FNDC1: variants seen among roughly 807,000 people sequenced by gnomAD.
The protein encoded by FNDC1 is fibronectin type III domain-containing protein 1.
A neutral mutation model predicts 168.0 loss-of-function variants in FNDC1; 96 were observed. The observed-to-expected ratio is 0.57, with a 90% CI of 0.48 to 0.68. FNDC1 has a LOEUF of 0.68. FNDC1 is among the 30% of genes least tolerant of loss of function. The pLI, the probability that FNDC1 is intolerant of heterozygous loss-of-function variation, is 0.00. For synonymous variants in FNDC1, 1,099 were observed against 1,025.9 expected (o/e 1.07, Z -1.36); for missense variants, 2,587 against 2,482.1 (o/e 1.04, Z -0.90).
At position 159,197,499 on chromosome 6, in the gene FNDC1, G is replaced by A. The variant is rs375554497; in HGVS notation, c.178G>A (p.Asp60Asn). The A allele has an allele frequency of 4.7e-5, 76 of 1,613,816 alleles. No homozygotes were observed. Among genetic ancestry groups the A allele is most frequent in the Non-Finnish European group, 6.4e-5 (76 of 1,179,868 alleles). Residue 60 changes from aspartate to asparagine, a missense_variant, in exon 2 of 23, where the codon GAC becomes AAC. Coordinates refer to ENST00000297267, the MANE Select transcript of FNDC1 (RefSeq NM_032532.3). ...STKMGLKVTWDPPKDATSRPV... is the reference protein window; with the variant it reads ...STKMGLKVTWNPPKDATSRPV... Reference sequence around the variant, plus strand: ...TAAAATGGGCCTGAAAGTCACGTGGGACCCACCCAAAGATGCTACCAGTAG... The same window carrying A: ...TAAAATGGGCCTGAAAGTCACGTGGAACCCACCCAAAGATGCTACCAGTAG...
chr6:159,256,554 C>G lies in FNDC1; in HGVS notation c.5097C>G (p.Asp1699Glu). ...TGGTTTACAGTGCATCCTATGAAGA[C>G]TTCATCAGGAACAAGTGGTCCACTC... is the stretch of plus-strand genomic sequence containing the variant. The part of the protein sequence containing the change: ...GYLVYSASYE[D>E]FIRNKWSTQA... Residue 1699 changes from aspartate to glutamate, a missense_variant, in exon 18 of 23, where the codon GAC (aspartate) becomes GAG (glutamate). Physicochemically the swap from Asp to Glu is conservative, Grantham distance 45. Transcript: ENST00000297267. 6.2e-7 allele frequency: 1 copy of G among 1,613,906 alleles called. No individual in the cohort carries two copies. Among genetic ancestry groups the G allele is most frequent in the Non-Finnish European group, 8.5e-7 (1 of 1,179,830 alleles).
chr6:159,269,117 T>C (rs561385741), intron 22 of FNDC1, among the ~76,000 whole-genome samples: 5 of 151,798 alleles, frequency 3.3e-5, no homozygotes, highest in Non-Finnish European at 7.4e-5. Context: ...TTTATCTAGG[T>C]ATCCATCCAT....
chr6:159,178,792 A>G (rs150464681), intron 1 of FNDC1, among the ~76,000 whole-genome samples: 26 of 149,628 alleles, frequency 1.7e-4, no homozygotes, highest in Non-Finnish European at 3.3e-4. Context: ...GCAATTTGGC[A>G]TCTCAGGGAA....
At chr6:159,195,088 T>G (rs1337476065) in intron 1 of FNDC1, among the ~76,000 whole-genome samples, 2 of 152,060 alleles carry the variant, frequency 1.3e-5, no homozygotes, top group Non-Finnish European at 2.9e-5. Context: ...TTTGAGAACC[T>G]TAAATTCAGA....
intron 11 of FNDC1, among the ~76,000 whole-genome samples, chr6:159,234,910 G>A (rs1488342402): frequency 2.0e-5 from 3 of 152,200 alleles, no homozygotes; most frequent in African/African-American, 4.8e-5. Context: ...TTCAAGTGCC[G>A]CCATGTGTTT....
Position 159,233,531 on chromosome 6 carries a change from C to T in FNDC1, c.3019C>T (p.Pro1007Ser). 2 of 1,597,834 alleles carry T rather than the reference C, an allele frequency of 1.3e-6. No individual in the cohort carries two copies. The highest frequency in any genetic ancestry group is 1.7e-6 in the Non-Finnish European group (2 of 1,175,620). The change falls in exon 11 of 23, where the codon CCT becomes TCT. Residue 1007 changes from proline (P) to serine (S), a missense_variant. Transcript: ENST00000297267. This position sits in a 1 kb window ranked among gnomAD's most constrained non-coding sequence, Gnocchi z 4.6. Reference sequence around the variant, plus strand: ...CGGCCGGGCCCCACAACAGCAGCCCCCTCCTCCCGTCGCCACGTCCCAGCA... The same window carrying T: ...CGGCCGGGCCCCACAACAGCAGCCCTCTCCTCCCGTCGCCACGTCCCAGCA... ...TPGRAPQQQP[P>S]PPVATSQHHP... is the part of the protein sequence containing the mutation.
intron 14 of FNDC1, among the ~76,000 whole-genome samples, chr6:159,246,353 G>C (rs938541705): frequency 6.6e-6 from 1 of 152,234 alleles, no homozygotes; most frequent in African/African-American, 2.4e-5. Flanking sequence ...GGATGTAGAA[G>C]AGGTAGGAAA....
At chr6:159,234,556 TATTGC>T in intron 11 of FNDC1, 77 bp downstream of exon 11, 1 of 1,389,520 alleles carries the variant, frequency 7.2e-7, no homozygotes, top group Non-Finnish European at 1.0e-6. Context: ...GTTTTTATTC[TATTGC>T]ATTTAGCACC....
At chr6:159,177,727 C>T (rs1049375273) in intron 1 of FNDC1, among the ~76,000 whole-genome samples, 3 of 152,086 alleles carry the variant, frequency 2.0e-5, no homozygotes, top group African/African-American at 4.8e-5. Flanking sequence ...GATGTGTGCT[C>T]GTGATGACGC....
At chr6:159,201,747 A>AAC (rs1417536108) in intron 4 of FNDC1, among the ~76,000 whole-genome samples, 1 of 152,214 alleles carries the variant, frequency 6.6e-6, no homozygotes, top group Non-Finnish European at 1.5e-5. Flanking sequence ...TTTACCTCTG[A>AAC]ACACACACAT....
At position 159,233,100 on chromosome 6, in the gene FNDC1, C is replaced by T. The variant is rs774578158; in HGVS notation, c.2588C>T (p.Ser863Phe). 2.5e-6 allele frequency: 4 copies of T among 1,603,242 alleles called. No homozygotes were observed. The highest frequency in any genetic ancestry group is 2.3e-5 in the East Asian group (1 of 44,380). ...VPSRAHPRVP[S>F]HSDSHPKLSS... ...TCCCGAGCCCACCCCAGGGTTCCCT[C>T]TCACTCTGATTCCCACCCTAAGCTT... The change falls in exon 11 of 23, where the codon TCT (serine) becomes TTT (phenylalanine). Residue 863 changes from serine to phenylalanine, a missense_variant. Transcript: ENST00000297267. The surrounding 1 kb of genome is among the most constrained non-coding windows in gnomAD (Gnocchi z 4.6).
In FNDC1 at chr6:159,233,224, G is replaced by C. The variant is rs1201985299; in HGVS notation, c.2712G>C (p.Arg904=). The part of the protein sequence containing the change: ...VPSSSRQPIS[R]GWEDLRRSPQ... ...CCTCCTCCAGGCAGCCCATCTCCCGGGGCTGGGAGGACTTAAGGAGAAGCC... is the reference window on the plus strand; with the variant it reads ...CCTCCTCCAGGCAGCCCATCTCCCGCGGCTGGGAGGACTTAAGGAGAAGCC... The change falls in exon 11 of 23, where the codon CGG becomes CGC. Residue 904 remains arginine (R), a synonymous_variant. Transcript: ENST00000297267. The surrounding 1 kb of genome is among the most constrained non-coding windows in gnomAD (Gnocchi z 4.6). 6.2e-7 allele frequency: 1 copy of C among 1,613,708 alleles called. No individual in the cohort carries two copies. The highest frequency in any genetic ancestry group is 8.5e-7 in the Non-Finnish European group (1 of 1,179,802).
intron 22 of FNDC1, 71 bp downstream of exon 22, chr6:159,267,997 C>A: frequency 1.3e-6 from 2 of 1,502,744 alleles, no homozygotes; most frequent in Non-Finnish European, 1.8e-6. Flanking sequence ...GGGGAAAATC[C>A]ACAGTAGGTC....
Position 159,233,332 on chromosome 6 carries a change from C to T in FNDC1, c.2820C>T (p.Gly940=), listed in dbSNP as rs1783148202. Reference sequence around the variant, plus strand: ...CAGGGGCAGATACACATCCTCAGGGCAAGTACTCCTCCCTGGCCTCCAAGG... The same window carrying T: ...CAGGGGCAGATACACATCCTCAGGGTAAGTACTCCTCCCTGGCCTCCAAGG... The part of the protein sequence containing the change: ...KSTGADTHPQ[G]KYSSLASKAQ... Residue 940 remains glycine, a synonymous_variant, in exon 11 of 23, where the codon GGC becomes GGT. Coordinates refer to ENST00000297267, the MANE Select transcript of FNDC1 (RefSeq NM_032532.3). The surrounding 1 kb of genome is among the most constrained non-coding windows in gnomAD (Gnocchi z 4.6). 6.2e-7 allele frequency: 1 copy of T among 1,613,906 alleles called. No homozygotes were observed. Among genetic ancestry groups the T allele is most frequent in the African/African-American group, 1.3e-5 (1 of 75,038 alleles).
chr6:159,197,628 A>G lies in FNDC1; in HGVS notation c.304+3A>G, dbSNP rs1301644922. The G allele has an allele frequency of 5.0e-6, 8 of 1,608,090 alleles. No individual in the cohort carries two copies. Among genetic ancestry groups the G allele is most frequent in the Middle Eastern group, 1.7e-4 (1 of 5,940 alleles). ...CTCCTTCCTTATTGAGGATGTGGGT[A>G]AGTGACACTCTGATCTTGTTCCCAG... On this transcript the variant is annotated splice_donor_region_variant and intron_variant, in intron 2 of 22. Coordinates refer to ENST00000297267, the MANE Select transcript of FNDC1 (RefSeq NM_032532.3).
intron 4 of FNDC1, among the ~76,000 whole-genome samples, chr6:159,204,824 T>C (rs1344088627): frequency 6.6e-6 from 1 of 152,144 alleles, no homozygotes; most frequent in African/African-American, 2.4e-5. Flanking sequence ...CCTCACACAG[T>C]TTCCTTTCTT....
rs1029537805 is a variant in FNDC1 at position 159,249,570 on chromosome 6, C to A, written c.4834+388C>A. 5.3e-4 allele frequency among the ~76,000 whole-genome samples: 81 copies of A among 152,214 alleles called. 1 individual carries two copies. Among genetic ancestry groups the A allele is most frequent in the Admixed American group, 5.3e-3 (81 of 15,278 alleles). On this transcript the variant is annotated intron_variant, in intron 16 of 22. Coordinates refer to ENST00000297267, the MANE Select transcript of FNDC1 (RefSeq NM_032532.3). The stretch of plus-strand genomic sequence containing the variant: ...TGTTAAATTCTTCCTAAAAGGTTAG[C>A]CGCTTACTGAATTGAGCCACTAGTG...
At chr6:159,213,517 A>G (rs1782648266) in intron 4 of FNDC1, among the ~76,000 whole-genome samples, 2 of 152,080 alleles carry the variant, frequency 1.3e-5, no homozygotes, top group Non-Finnish European at 2.9e-5. Context: ...GGACACTGTG[A>G]CCCCCAGTAT....
chr6:159,260,429 T>C (rs1777459218), intron 18 of FNDC1, among the ~76,000 whole-genome samples: 1 of 152,236 alleles, frequency 6.6e-6, no homozygotes, highest in Non-Finnish European at 1.5e-5. Flanking sequence ...GCACATTCTC[T>C]GTTCCAAGAC....
Sources: gnomAD v4.1 joint callset for allele counts (sites outside exome capture counted in the v4.1 genomes callset) on GRCh38, gnomAD v4.1.1 for gene constraint, Gnocchi (gnomAD v3.1) non-coding constraint, MANE v1.5 for transcripts, NCBI Gene and HGNC (gene_info 2026-07-23, HGNC 2026-07-21) for gene names.